Variants in SIPA1L3 observed in about 807,000 individuals in gnomAD.
SIPA1L3 encodes signal induced proliferation associated 1 like 3.
Under a neutral mutation model 150.1 loss-of-function variants are expected in SIPA1L3, and 59 were observed. The ratio of observed to expected loss-of-function variants is 0.39; its 90% CI spans 0.32 to 0.49. The LOEUF (loss-of-function observed/expected upper bound fraction) is 0.49, where lower values mean the gene tolerates loss of function less well. Ranked by LOEUF, SIPA1L3 falls within the 20% of genes least tolerant of loss-of-function variation. The pLI is 0.86. For synonymous variants in SIPA1L3, 1,070 were observed against 1,077.6 expected, an observed-to-expected ratio of 0.99 and a Z score of 0.14; for missense variants, 2,211 against 2,489.5, an observed-to-expected ratio of 0.89 and a Z score of 2.38.
At chr19:37,977,207 C>G (rs932452824) in intron 1 of SIPA1L3, among the ~76,000 whole-genome samples, 3 of 151,952 alleles carry the variant, frequency 2.0e-5, no homozygotes, top group African/African-American at 7.3e-5. Flanking sequence ...CTCTGTCGCC[C>G]AGGCTGGAGT....
chr19:38,082,061 C>A lies in SIPA1L3; in HGVS notation c.496C>A (p.Leu166Ile), dbSNP rs1010339126. 1 of 1,613,404 alleles carries A rather than the reference C, an allele frequency of 6.2e-7. No homozygotes were observed. Among genetic ancestry groups the A allele is most frequent in the Non-Finnish European group, 8.5e-7 (1 of 1,179,974 alleles). The change falls in exon 3 of 22, where the codon CTT (leucine) becomes ATT (isoleucine). Residue 166 changes from leucine to isoleucine, a missense_variant. Leu to Ile is a conservative substitution (Grantham distance 5, BLOSUM62 2). Coordinates refer to ENST00000222345, the MANE Select transcript of SIPA1L3 (RefSeq NM_015073.3). ...PRSPGRAFLP[L>I]RHRSSSEITL... ...GTCCCCCGGCAGGGCCTTCCTCCCC[C>A]TTCGGCACCGCAGCAGCAGCGAGAT...
intron 1 of SIPA1L3, among the ~76,000 whole-genome samples, chr19:37,945,874 G>T (rs2046706140): frequency 2.0e-5 from 3 of 152,128 alleles, no homozygotes; most frequent in African/African-American, 7.2e-5. Flanking sequence ...AAGACTTGTG[G>T]CTGGGCGTGG....
rs1311711617 is a variant in SIPA1L3 at position 38,093,394 on chromosome 19, C to T, written c.1665+4543C>T. 3.9e-5 allele frequency among the ~76,000 whole-genome samples: 6 copies of T among 152,136 alleles called. No individual in the cohort carries two copies. The South Asian group carries it at 6.2e-4, about 16-fold the overall frequency. ...GTTCTAGAACCTTGGGCACATGGCT[C>T]CTTTCCTCTCAGAGCCTCAGTTTCC... On this transcript the variant is annotated intron_variant, in intron 4 of 21. Transcript: ENST00000222345.
At position 38,081,761 on chromosome 19, in the gene SIPA1L3, C is replaced by T. The variant is rs772021253; in HGVS notation, c.196C>T (p.Arg66Cys). 9 of 1,603,484 alleles carry T rather than the reference C, an allele frequency of 5.6e-6. No individual in the cohort carries two copies. Among genetic ancestry groups the T allele is most frequent in the African/African-American group, 4.0e-5 (3 of 74,836 alleles). ...CACCGCCACCGCCACCGCCACCACCCGCCCCAGCCCCACCACTCCCGCAAT... is the reference window on the plus strand; with the variant it reads ...CACCGCCACCGCCACCGCCACCACCTGCCCCAGCCCCACCACTCCCGCAAT... ...TATATATATTRPSPTTPAMPK... is the reference protein window; with the variant it reads ...TATATATATTCPSPTTPAMPK... The change falls in exon 3 of 22, where the codon CGC becomes TGC. Residue 66 changes from arginine (R) to cysteine (C), a missense_variant. Arg to Cys is a radical substitution (Grantham distance 180, BLOSUM62 -3). This residue lies in a region of SIPA1L3 where 130 missense variants were observed against 174.5 expected (regional missense o/e 0.74). Transcript: ENST00000222345.
intron 2 of SIPA1L3, among the ~76,000 whole-genome samples, chr19:38,057,849 A>G (rs112351632): frequency 0.017 from 2,640 of 151,652 alleles, 87 homozygotes; most frequent in African/African-American, 0.061. Flanking sequence ...TTTTTAGTAG[A>G]GACAGGGTTT....
At chr19:38,160,105 A>T (rs1426931036) in intron 13 of SIPA1L3, among the ~76,000 whole-genome samples, 1 of 151,974 alleles carries the variant, frequency 6.6e-6, no homozygotes, top group East Asian at 1.9e-4. Flanking sequence ...TCCACCTCCC[A>T]GGTTCAAGCA....
At chr19:38,180,647 G>C (rs760857211) in intron 15 of SIPA1L3, among the ~76,000 whole-genome samples, 3 of 150,678 alleles carry the variant, frequency 2.0e-5, no homozygotes, top group African/African-American at 7.3e-5. Flanking sequence ...GGGTTCAAGC[G>C]ATTCTCCTGC....
intron 2 of SIPA1L3, among the ~76,000 whole-genome samples, chr19:38,076,520 A>G (rs1266933316): frequency 1.3e-5 from 2 of 152,190 alleles, no homozygotes; most frequent in Non-Finnish European, 2.9e-5. Context: ...CCGCATGAGC[A>G]GTTTGTCTCT....
At chr19:38,021,578 G>C (rs1392514455) in intron 1 of SIPA1L3, among the ~76,000 whole-genome samples, 1 of 148,776 alleles carries the variant, frequency 6.7e-6, no homozygotes, top group Non-Finnish European at 1.5e-5. Flanking sequence ...ATCTTGCTCT[G>C]TCACCCAGGC....
At chr19:38,013,932 G>A (rs1337265337) in intron 1 of SIPA1L3, among the ~76,000 whole-genome samples, 1 of 152,264 alleles carries the variant, frequency 6.6e-6, no homozygotes, top group African/African-American at 2.4e-5. Context: ...ATTCAGAGAA[G>A]TAAATTTGAT....
chr19:37,930,040 T>TG (rs907873593), intron 1 of SIPA1L3, among the ~76,000 whole-genome samples: 35 of 150,686 alleles, frequency 2.3e-4, no homozygotes, highest in African/African-American at 7.6e-4. Flanking sequence ...TTTTTTTTTT[T>TG]TTTAGTTGGA....
At chr19:37,990,134 A>G (rs1967466842) in intron 1 of SIPA1L3, among the ~76,000 whole-genome samples, 1 of 151,956 alleles carries the variant, frequency 6.6e-6, no homozygotes, top group Non-Finnish European at 1.5e-5. Context: ...TTTCTGCCCT[A>G]CGGCCGCATG....
chr19:38,070,686 T>C (rs768937730), intron 2 of SIPA1L3, among the ~76,000 whole-genome samples: 1 of 152,176 alleles, frequency 6.6e-6, no homozygotes, highest in Non-Finnish European at 1.5e-5. Context: ...GGTAGGTGTT[T>C]GTTGTGTGAG....
intron 1 of SIPA1L3, among the ~76,000 whole-genome samples, chr19:37,934,613 T>C (rs1483124249): frequency 2.0e-5 from 3 of 152,232 alleles, no homozygotes; most frequent in African/African-American, 7.2e-5. Context: ...TTTTTAAGAA[T>C]TCTTTTCAAG....
chr19:37,984,802 C>G (rs1437566857), intron 1 of SIPA1L3, among the ~76,000 whole-genome samples: 1 of 152,222 alleles, frequency 6.6e-6, no homozygotes, highest in Non-Finnish European at 1.5e-5. Flanking sequence ...CCACAGATGC[C>G]TCTCATGCAG....
At chr19:38,182,402 G>C (rs1287560653) in intron 15 of SIPA1L3, 117 bp from the exon 16 acceptor site, 8 of 761,028 alleles carry the variant, frequency 1.1e-5, no homozygotes, top group Non-Finnish European at 1.8e-5. Flanking sequence ...TAATATATTT[G>C]TGTCTGTCTT....
intron 9 of SIPA1L3, among the ~76,000 whole-genome samples, chr19:38,124,955 C>T (rs965120188): frequency 2.3e-4 from 21 of 93,110 alleles, no homozygotes; most frequent in East Asian, 1.1e-3. Context: ...GGCAGCAGTA[C>T]AGTCCAGCTT....
intron 1 of SIPA1L3, among the ~76,000 whole-genome samples, chr19:37,957,810 C>T (rs1417291255): frequency 6.6e-6 from 1 of 152,068 alleles, no homozygotes; most frequent in African/African-American, 2.4e-5. Flanking sequence ...CTTCTGAGCT[C>T]AAGTGATCCT....
intron 2 of SIPA1L3, among the ~76,000 whole-genome samples, chr19:38,066,223 A>T (rs1261564363): frequency 3.3e-5 from 5 of 151,728 alleles, no homozygotes; most frequent in African/African-American, 1.2e-4. Flanking sequence ...TCGTTATGTT[A>T]TCCAGGCTGG....
Sources: allele counts gnomAD v4.1 joint callset (sites outside exome capture counted in the v4.1 genomes callset), GRCh38; gene constraint gnomAD v4.1.1; regional missense constraint gnomAD v4.1.1; transcripts MANE v1.5; gene names NCBI Gene and HGNC (gene_info 2026-07-23, HGNC 2026-07-21).